Variants in EXOC6 observed in about 807,000 individuals in gnomAD.
The protein encoded by EXOC6 is exocyst complex component 6.
EXOC6 carries 60 observed loss-of-function variants against 112.5 expected under a neutral mutation model. The observed-to-expected ratio is 0.53, with a 90% CI of 0.43 to 0.66. The LOEUF is 0.66. Ranked by LOEUF, EXOC6 falls within the 30% of genes least tolerant of loss-of-function variation. EXOC6 has a pLI of 0.00. For missense variants in EXOC6, 855 were observed against 957.1 expected (o/e 0.89, Z 1.41); for synonymous variants, 295 against 308.0 (o/e 0.96, Z 0.44).
At chr10:92,961,255 T>A (rs1853979684) in intron 17 of EXOC6, among the ~76,000 whole-genome samples, 1 of 152,220 alleles carries the variant, frequency 6.6e-6, no homozygotes, top group Non-Finnish European at 1.5e-5. Flanking sequence ...TTTTTATTGA[T>A]GGAGTGTTCC....
At chr10:92,923,149 C>A (rs1183625590) in intron 8 of EXOC6, among the ~76,000 whole-genome samples, 2 of 152,166 alleles carry the variant, frequency 1.3e-5, no homozygotes, top group Non-Finnish European at 2.9e-5. Context: ...TAGATTAGGA[C>A]AACACTGAGG....
intron 19 of EXOC6, among the ~76,000 whole-genome samples, chr10:93,008,448 AG>A (rs201072814): frequency 2.0e-5 from 3 of 152,088 alleles, no homozygotes; most frequent in African/African-American, 7.2e-5. Context: ...ACACCATAAT[AG>A]GGGGGGAAGT....
intron 7 of EXOC6, 102 bp from the exon 8 acceptor site, chr10:92,919,880 C>T: frequency 3.1e-6 from 2 of 648,530 alleles, no homozygotes; most frequent in East Asian, 3.0e-5. Flanking sequence ...AATGTTGTAA[C>T]ACAAAGTTCA....
Position 92,941,071 on chromosome 10 carries a change from A to G in EXOC6, c.1310+247A>G, listed in dbSNP as rs115978418. ...CAAATAGAAACTCTGTACTCACTTA[A>G]CAATAACTCTCCATTTCCCCCTTCC... On this transcript the variant is annotated intron_variant, in intron 13 of 21. Coordinates refer to ENST00000260762, the MANE Select transcript of EXOC6 (RefSeq NM_019053.6). Among the ~76,000 whole-genome samples, 521 of 152,212 alleles carry G rather than the reference A, an allele frequency of 3.4e-3. 1 individual carries two copies. Among genetic ancestry groups the G allele is most frequent in the African/African-American group, 0.012 (503 of 41,542 alleles).
chr10:92,842,432 T>C (rs1160113706), intron 1 of EXOC6, among the ~76,000 whole-genome samples: 1 of 141,828 alleles, frequency 7.1e-6, no homozygotes, highest in African/African-American at 2.6e-5. Flanking sequence ...AGGGAGTAAA[T>C]GTCAGCTGTC....
At chr10:92,831,340 C>T (rs143738722), upstream of EXOC6, 30 of 1,288,584 alleles carry the variant, frequency 2.3e-5, no homozygotes, top group East Asian at 1.2e-3. Flanking sequence ...GTAGGAGGAG[C>T]GGGGTCATGC....
At chr10:93,050,175 A>G (rs185886543) in intron 20 of EXOC6, among the ~76,000 whole-genome samples, 174 of 152,344 alleles carry the variant, frequency 1.1e-3, no homozygotes, top group Non-Finnish European at 2.1e-3. Context: ...GTAAATTCTC[A>G]TATGTGATAG....
Position 93,058,472 on chromosome 10 carries a change from T to C in EXOC6, c.*117T>C, listed in dbSNP as rs747346943. On this transcript the variant is annotated 3_prime_UTR_variant, in exon 22 of 22. Transcript: ENST00000260762. ...GAATCCAAAAATACAATAGAGAAGATACATGAGGGCTTAAACAAGAAATAG... is the reference window on the plus strand; with the variant it reads ...GAATCCAAAAATACAATAGAGAAGACACATGAGGGCTTAAACAAGAAATAG... 2.6e-5 allele frequency: 19 copies of C among 718,182 alleles called. No homozygotes were observed. The highest frequency in any genetic ancestry group is 5.1e-4 in the Middle Eastern group (2 of 3,944). 44.5% of individuals were successfully genotyped at this position (718,182 alleles called of 1,614,324 possible). A position where few individuals can be genotyped will look rare whatever the true frequency, so the allele number is the denominator to read the frequency against.
At chr10:92,845,467 C>T (rs561237691), upstream of EXOC6, among the ~76,000 whole-genome samples, 8 of 150,456 alleles carry the variant, frequency 5.3e-5, no homozygotes, top group South Asian at 2.1e-4. Context: ...GCAGGAGAAT[C>T]GCTTGAAAGC....
At chr10:93,029,430 A>G (rs781623853) in intron 20 of EXOC6, among the ~76,000 whole-genome samples, 4 of 152,058 alleles carry the variant, frequency 2.6e-5, no homozygotes, top group Non-Finnish European at 5.9e-5. Flanking sequence ...TGCCATTTGA[A>G]TGTTCTCTTT....
At chr10:92,833,755 C>T (rs149550624), upstream of EXOC6, among the ~76,000 whole-genome samples, 590 of 152,248 alleles carry the variant, frequency 3.9e-3, 4 homozygotes, top group African/African-American at 0.014. Context: ...TATTGTATTT[C>T]TTGTATTAAG....
chr10:92,850,265 G>A (rs1847258762), intron 1 of EXOC6, among the ~76,000 whole-genome samples: 1 of 152,080 alleles, frequency 6.6e-6, no homozygotes. Context: ...GAGATTTTTG[G>A]GACACTCAGG....
rs181741992 is a variant in EXOC6, at chr10:92,855,927, C to T, written c.101+7293C>T. Among the ~76,000 whole-genome samples, 1,006 of 152,070 alleles carry T rather than the reference C, an allele frequency of 6.6e-3. 17 individuals are homozygous for T. The highest frequency in any genetic ancestry group is 0.022 in the African/African-American group (932 of 41,464). On this transcript the variant is annotated intron_variant, in intron 1 of 21. Coordinates refer to ENST00000260762, the MANE Select transcript of EXOC6 (RefSeq NM_019053.6). The stretch of plus-strand genomic sequence containing the variant: ...TTGCCCAGGCTGGAGTGCAGTAGCG[C>T]GATCTTGGCTCACTGCAACCTCCGC...
chr10:92,970,391 C>T (rs1215902423), intron 17 of EXOC6, among the ~76,000 whole-genome samples: 1 of 152,116 alleles, frequency 6.6e-6, no homozygotes, highest in Non-Finnish European at 1.5e-5. Context: ...TTAAAATATA[C>T]AGGAGGATGT....
chr10:92,898,162 T>A (rs1391555072), intron 4 of EXOC6, among the ~76,000 whole-genome samples: 4 of 151,938 alleles, frequency 2.6e-5, no homozygotes, highest in Admixed American at 1.3e-4. Flanking sequence ...CTCATGACTG[T>A]AATCCCAGCA....
At chr10:92,926,222 A>G (rs999617267) in intron 8 of EXOC6, among the ~76,000 whole-genome samples, 7 of 152,012 alleles carry the variant, frequency 4.6e-5, no homozygotes, top group African/African-American at 1.4e-4. Flanking sequence ...TACTTAGGCC[A>G]TTTGCATCAG....
intron 13 of EXOC6, among the ~76,000 whole-genome samples, chr10:92,945,835 C>A (rs1464418051): frequency 1.3e-5 from 2 of 152,106 alleles, no homozygotes; most frequent in African/African-American, 4.8e-5. Flanking sequence ...TTTAGCCCTG[C>A]CTTTTAACGT....
rs143926939 is a variant in EXOC6 at position 92,887,202 on chromosome 10, A to G, written c.102-6147A>G. Among the ~76,000 whole-genome samples the G allele has an allele frequency of 3.7e-4, 56 of 152,228 alleles. No individual in the cohort carries two copies. In the East Asian group the frequency reaches 6.2e-3, roughly 17 times the overall value. On this transcript the variant is annotated intron_variant, in intron 1 of 21. Transcript: ENST00000260762. Reference sequence around the variant, plus strand: ...GTCAAGAGATTCTTGGGATAAGAGTAGCTTTTGTTTTTTTCCTCATTCCAG... The same window carrying G: ...GTCAAGAGATTCTTGGGATAAGAGTGGCTTTTGTTTTTTTCCTCATTCCAG...
chr10:92,992,675 C>T (rs1843320083), intron 18 of EXOC6, among the ~76,000 whole-genome samples: 1 of 151,798 alleles, frequency 6.6e-6, no homozygotes, highest in African/African-American at 2.4e-5. Flanking sequence ...TTCAACTATA[C>T]CTCTTTTTTA....
Sources: allele counts gnomAD v4.1 joint callset (sites outside exome capture counted in the v4.1 genomes callset), GRCh38; gene constraint gnomAD v4.1.1; transcripts MANE v1.5; gene names NCBI Gene and HGNC (gene_info 2026-07-23, HGNC 2026-07-21).